MKLN1: variants seen among roughly 807,000 people sequenced by gnomAD.
The protein encoded by MKLN1 is muskelin.
A neutral mutation model predicts 99.0 loss-of-function variants in MKLN1; 18 were observed. The observed-to-expected ratio is 0.18, with a 90% CI of 0.13 to 0.27. The LOEUF (loss-of-function observed/expected upper bound fraction) is 0.27. MKLN1 is among the 10% of genes least tolerant of loss of function. The pLI, the probability that MKLN1 is intolerant of heterozygous loss-of-function variation, is 1.00. For missense variants in MKLN1, 621 were observed against 875.9 expected, an observed-to-expected ratio of 0.71 and a Z score of 3.67; for synonymous variants, 288 against 293.2, an observed-to-expected ratio of 0.98 and a Z score of 0.18.
chr7:131,460,484 G>A (rs972021424), intron 12 of MKLN1, among the ~76,000 whole-genome samples: 1 of 152,202 alleles, frequency 6.6e-6, no homozygotes, highest in Non-Finnish European at 1.5e-5. Context: ...GCTGAGAATA[G>A]GCACACAAGT....
At chr7:131,397,203 T>C in intron 4 of MKLN1, 64 bp from the exon 5 acceptor site, 2 of 1,126,344 alleles carry the variant, frequency 1.8e-6, no homozygotes, top group Non-Finnish European at 2.6e-6. Flanking sequence ...GCTTTTACTT[T>C]GCTAAAGTTT....
At chr7:131,122,744 G>A (rs1795391333) in intron 1 of MKLN1, among the ~76,000 whole-genome samples, 2 of 152,092 alleles carry the variant, frequency 1.3e-5, no homozygotes, top group Admixed American at 1.3e-4. Flanking sequence ...GCTGCGGGCC[G>A]GGTGCGGTGG....
At chr7:131,154,235 G>A (rs1795932075) in intron 2 of MKLN1, among the ~76,000 whole-genome samples, 1 of 152,032 alleles carries the variant, frequency 6.6e-6, no homozygotes, top group African/African-American at 2.4e-5. Flanking sequence ...GGAGGGGATA[G>A]GGATAGAAAC....
At chr7:131,230,509 A>G (rs1797225863) in intron 3 of MKLN1, among the ~76,000 whole-genome samples, 1 of 152,184 alleles carries the variant, frequency 6.6e-6, no homozygotes, top group Non-Finnish European at 1.5e-5. Flanking sequence ...AGCACCTTGG[A>G]TGTTGATCCG....
chr7:131,476,399 A>G (rs756976496), intron 16 of MKLN1, among the ~76,000 whole-genome samples: 2 of 152,200 alleles, frequency 1.3e-5, no homozygotes, highest in African/African-American at 4.8e-5. Context: ...TCGAAACCCC[A>G]TGGTGTCTAC....
intron 12 of MKLN1, among the ~76,000 whole-genome samples, chr7:131,449,569 T>A (rs1274716348): frequency 6.6e-6 from 1 of 152,208 alleles, no homozygotes; most frequent in African/African-American, 2.4e-5. Flanking sequence ...CTAAAACTGT[T>A]GCAGTTATAC....
intron 3 of MKLN1, among the ~76,000 whole-genome samples, chr7:131,274,546 G>C (rs942068900): frequency 3.3e-5 from 5 of 151,648 alleles, no homozygotes; most frequent in African/African-American, 1.2e-4. Context: ...GGTAGGCTGA[G>C]GGGGGAGGAT....
intron 2 of MKLN1, among the ~76,000 whole-genome samples, chr7:131,194,455 T>A (rs1251589016): frequency 6.6e-6 from 1 of 152,194 alleles, no homozygotes. Flanking sequence ...ATATAACAGG[T>A]GAGATATTTA....
At chr7:131,306,184 T>C (rs967980449) in intron 3 of MKLN1, among the ~76,000 whole-genome samples, 4 of 152,222 alleles carry the variant, frequency 2.6e-5, no homozygotes, top group Admixed American at 6.5e-5. Context: ...CATGTGAAAC[T>C]GTGAGTCAAT....
intron 2 of MKLN1, among the ~76,000 whole-genome samples, chr7:131,185,209 C>T (rs994043637): frequency 2.0e-5 from 3 of 152,170 alleles, no homozygotes; most frequent in Non-Finnish European, 4.4e-5. Flanking sequence ...GAACACAATT[C>T]TCTGACTCCT....
chr7:131,360,350 A>G (rs1799994206), intron 1 of MKLN1, among the ~76,000 whole-genome samples: 1 of 152,032 alleles, frequency 6.6e-6, no homozygotes, highest in Admixed American at 6.6e-5. Context: ...TATTTACTGT[A>G]CTTGTTCTTT....
intron 1 of MKLN1, among the ~76,000 whole-genome samples, chr7:131,372,151 T>C (rs547448758): frequency 1.3e-5 from 2 of 152,150 alleles, no homozygotes; most frequent in African/African-American, 4.8e-5. Context: ...TTATACTTCA[T>C]GATTTTTGTG....
At chr7:131,279,857 G>T (rs1023011127) in intron 3 of MKLN1, among the ~76,000 whole-genome samples, 1 of 151,982 alleles carries the variant, frequency 6.6e-6, no homozygotes, top group African/African-American at 2.4e-5. Flanking sequence ...TTTTTTTACT[G>T]TATTAATACT....
At chr7:131,297,427 G>GTGTGTA (rs752657915) in intron 3 of MKLN1, among the ~76,000 whole-genome samples, 7 of 150,610 alleles carry the variant, frequency 4.6e-5, no homozygotes, top group Non-Finnish European at 8.9e-5. Flanking sequence ...GTGTGTGTGT[G>GTGTGTA]TACATACACA....
At chr7:131,449,375 A>G (rs1486351885) in intron 12 of MKLN1, among the ~76,000 whole-genome samples, 2 of 152,212 alleles carry the variant, frequency 1.3e-5, no homozygotes, top group Admixed American at 6.5e-5. Flanking sequence ...AGATTATTCA[A>G]AGGTTTAATA....
intron 3 of MKLN1, among the ~76,000 whole-genome samples, chr7:131,388,178 C>A (rs1028476817): frequency 2.0e-5 from 3 of 151,270 alleles, no homozygotes; most frequent in Admixed American, 2.0e-4. Flanking sequence ...AAAACAAAAA[C>A]AAAAACAAAA....
At chr7:131,196,426 A>C (rs1796645764) in intron 2 of MKLN1, among the ~76,000 whole-genome samples, 1 of 152,240 alleles carries the variant, frequency 6.6e-6, no homozygotes, top group Admixed American at 6.5e-5. Flanking sequence ...CTCGCAAAGG[A>C]AAAAAGGCTG....
rs59503509 is a variant in MKLN1 at position 131,167,671 on chromosome 7, C to CAA, written c.-297+24744_-297+24745dup. Among the ~76,000 whole-genome samples the CAA allele has an allele frequency of 4.9e-3, 566 of 116,106 alleles. 11 individuals carry two copies. The highest frequency in any genetic ancestry group is 0.025 in the Admixed American group (290 of 11,608). 76.2% of individuals were successfully genotyped at this position (116,106 alleles called of 152,430 possible). On this transcript the variant is annotated intron_variant, in intron 2 of 7. Transcript: ENST00000416992. ...TGGGCAACAGAGCAAGACTCTGTCT[C>CAA]AAAAAAAAAAAAAAATAATGTGGAA... is the stretch of plus-strand genomic sequence containing the variant.
At chr7:131,159,027 C>CA (rs1237075908) in intron 2 of MKLN1, among the ~76,000 whole-genome samples, 1 of 150,686 alleles carries the variant, frequency 6.6e-6, no homozygotes, top group Non-Finnish European at 1.5e-5. Flanking sequence ...CTTGTCTCTA[C>CA]AAAAAAATTT....
Sources: gnomAD v4.1 joint callset for allele counts (sites outside exome capture counted in the v4.1 genomes callset) on GRCh38, gnomAD v4.1.1 for gene constraint, MANE v1.5 for transcripts, NCBI Gene and HGNC (gene_info 2026-07-23, HGNC 2026-07-21) for gene names.